SIPA1L1: variants seen among roughly 807,000 people sequenced by gnomAD.
The protein encoded by SIPA1L1 is signal induced proliferation associated 1 like 1, also known as signal-induced proliferation-associated 1-like protein 1.
SIPA1L1 carries 26 observed loss-of-function variants against 162.7 expected under a neutral mutation model. The ratio of observed to expected loss-of-function variants is 0.16; its 90% confidence interval spans 0.12 to 0.22. SIPA1L1 has a LOEUF of 0.22. SIPA1L1 is among the 10% of genes least tolerant of loss of function. SIPA1L1 has a pLI of 1.00. For synonymous variants in SIPA1L1, 829 were observed against 837.4 expected (o/e 0.99, Z 0.17); for missense variants, 1,874 against 2,241.0 (o/e 0.84, Z 3.31).
intron 10 of SIPA1L1, among the ~76,000 whole-genome samples, chr14:71,664,115 G>A (rs1479681378): frequency 6.6e-6 from 1 of 152,154 alleles, no homozygotes; most frequent in African/African-American, 2.4e-5. Flanking sequence ...GGGAGGCAGG[G>A]TAAGGACGAG....
At chr14:71,547,411 A>T (rs1041593049) in intron 4 of SIPA1L1, among the ~76,000 whole-genome samples, 1 of 147,106 alleles carries the variant, frequency 6.8e-6, no homozygotes, top group Non-Finnish European at 1.5e-5. Context: ...CCGCTGCCTC[A>T]GCCTCCCAAG....
chr14:71,608,548 C>T (rs61989426), intron 5 of SIPA1L1, among the ~76,000 whole-genome samples: 3 of 151,970 alleles, frequency 2.0e-5, no homozygotes, highest in Non-Finnish European at 4.4e-5. Flanking sequence ...TTTAAACATA[C>T]TCTTTATAGT....
chr14:71,416,725 A>ACACG (rs1453301682), intron 2 of SIPA1L1, among the ~76,000 whole-genome samples: 4 of 94,560 alleles, frequency 4.2e-5, no homozygotes, highest in African/African-American at 1.3e-4. Context: ...AAATCTACAC[A>ACACG]CACACACACA....
intron 2 of SIPA1L1, among the ~76,000 whole-genome samples, chr14:71,379,085 T>C (rs2039663551): frequency 6.6e-6 from 1 of 152,222 alleles, no homozygotes; most frequent in Non-Finnish European, 1.5e-5. Flanking sequence ...TGCTTCCTCC[T>C]GGTGACTTCC....
At chr14:71,470,379 T>G (rs1306542008) in intron 2 of SIPA1L1, among the ~76,000 whole-genome samples, 1 of 152,196 alleles carries the variant, frequency 6.6e-6, no homozygotes, top group Non-Finnish European at 1.5e-5. Flanking sequence ...CTGTCTGCTG[T>G]GAATTGCTAT....
chr14:71,500,388 C>A (rs914141709), intron 2 of SIPA1L1, among the ~76,000 whole-genome samples: 1 of 152,150 alleles, frequency 6.6e-6, no homozygotes, highest in Non-Finnish European at 1.5e-5. Flanking sequence ...AAATAAGCCT[C>A]TTAAAAGGCC....
chr14:71,509,072 T>C (rs1306586442), intron 2 of SIPA1L1, among the ~76,000 whole-genome samples: 1 of 152,196 alleles, frequency 6.6e-6, no homozygotes, highest in Admixed American at 6.5e-5. Flanking sequence ...TGGATTCTGC[T>C]AGGAAAATTT....
chr14:71,539,596 A>G (rs1274228584), intron 4 of SIPA1L1, among the ~76,000 whole-genome samples: 3 of 152,250 alleles, frequency 2.0e-5, no homozygotes, highest in Non-Finnish European at 4.4e-5. Flanking sequence ...CTGACCAGAG[A>G]GTCTGAATCT....
intron 4 of SIPA1L1, chr14:71,574,236 G>A (rs1337248217): frequency 6.3e-6 from 1 of 159,806 alleles, no homozygotes; most frequent in Non-Finnish European, 1.4e-5. Context: ...TGAAGGAGGA[G>A]TAAGAGTTAG....
intron 2 of SIPA1L1, among the ~76,000 whole-genome samples, chr14:71,341,556 T>C (rs572308600): frequency 3.3e-5 from 5 of 152,322 alleles, no homozygotes; most frequent in African/African-American, 9.6e-5. Flanking sequence ...GTTACGTGGG[T>C]ATGTTGTGTG....
intron 2 of SIPA1L1, among the ~76,000 whole-genome samples, chr14:71,415,723 G>A (rs1474153954): frequency 2.0e-5 from 3 of 151,230 alleles, no homozygotes; most frequent in East Asian, 3.9e-4. Context: ...TTTGAGATGG[G>A]ATCTCACTCT....
chr14:71,637,140 G>GCA (rs141827256), intron 7 of SIPA1L1, among the ~76,000 whole-genome samples: 55 of 143,694 alleles, frequency 3.8e-4, no homozygotes, highest in East Asian at 1.4e-3. Flanking sequence ...GTGCACGCGT[G>GCA]CACACACACA....
rs185403793 is a variant in SIPA1L1, at chr14:71,672,733, T to C, written c.3104+111T>C. ...TAGGGTGTTGTGAAGAACAATAGGT[T>C]ACATGTGATGCTGAATGTTTCATCC... is the stretch of plus-strand genomic sequence containing the variant. On this transcript the variant is annotated intron_variant, in intron 12 of 23. Transcript: ENST00000381232. 27 of 1,144,960 alleles carry C rather than the reference T, an allele frequency of 2.4e-5. No individual in the cohort carries two copies. The African/African-American group carries it at 3.5e-4, about 15-fold the overall frequency. The allele number at this position is 1,144,960 out of a possible 1,614,324, so 70.9% of individuals were successfully genotyped here.
chr14:71,543,741 GT>G (rs1332436762), intron 4 of SIPA1L1, among the ~76,000 whole-genome samples: 1 of 142,164 alleles, frequency 7.0e-6, no homozygotes, highest in Non-Finnish European at 1.5e-5. Context: ...AGTCTTGACT[GT>G]TTTTCTAAAT....
intron 2 of SIPA1L1, among the ~76,000 whole-genome samples, chr14:71,354,538 A>G (rs2037052093): frequency 6.6e-6 from 1 of 151,938 alleles, no homozygotes; most frequent in Admixed American, 6.6e-5. Context: ...TGGCCTCCCA[A>G]AGTGCTGCGA....
chr14:71,515,475 T>C (rs2051621612), intron 3 of SIPA1L1, among the ~76,000 whole-genome samples: 1 of 152,200 alleles, frequency 6.6e-6, no homozygotes, highest in Non-Finnish European at 1.5e-5. Context: ...GCTATGGAAT[T>C]GCTCATTTTG....
At position 71,740,471 on chromosome 14, in the gene SIPA1L1, G is replaced by T. The variant is rs1472958952; in HGVS notation, c.*1310G>T. Reference sequence around the variant, plus strand: ...ACCTGAGGAGACCCCTTTGTTTGTTGCCTTCATAACTGTCACTAAACCGAC... The same window carrying T: ...ACCTGAGGAGACCCCTTTGTTTGTTTCCTTCATAACTGTCACTAAACCGAC... On this transcript the variant is annotated 3_prime_UTR_variant, in exon 24 of 24. Transcript: ENST00000381232. The T allele has an allele frequency of 1.3e-5, 2 of 152,196 alleles. No homozygotes were observed. The highest frequency in any genetic ancestry group is 6.5e-5 in the Admixed American group (1 of 15,268). The allele number at this position is 152,196 out of a possible 1,614,324, so 9.4% of individuals were successfully genotyped here. A position where few individuals can be genotyped will look rare whatever the true frequency, so the allele number is the denominator to read the frequency against.
intron 5 of SIPA1L1, among the ~76,000 whole-genome samples, chr14:71,610,254 A>G (rs759431794): frequency 4.9e-4 from 74 of 152,182 alleles, no homozygotes; most frequent in Non-Finnish European, 9.3e-4. Context: ...TTTTTCAGTC[A>G]AGTTTATAGA....
chr14:71,405,655 T>C (rs1210120653), intron 2 of SIPA1L1, among the ~76,000 whole-genome samples: 2 of 152,200 alleles, frequency 1.3e-5, no homozygotes, highest in Non-Finnish European at 2.9e-5. Flanking sequence ...CAACCTGCTG[T>C]TGTGCTGAGG....
Sources: gnomAD v4.1 joint callset for allele counts (sites outside exome capture counted in the v4.1 genomes callset) on GRCh38, gnomAD v4.1.1 for gene constraint, MANE v1.5 for transcripts, NCBI Gene and HGNC (gene_info 2026-07-23, HGNC 2026-07-21) for gene names.